IGSF11: variants seen among roughly 807,000 people sequenced by gnomAD.
The protein encoded by IGSF11 is immunoglobulin superfamily member 11, also known as CXADR like 1.
A neutral mutation model predicts 41.0 loss-of-function variants in IGSF11; 22 were observed. The ratio of observed to expected loss-of-function variants is 0.54; its 90% CI spans 0.38 to 0.77. IGSF11 has a LOEUF of 0.77. IGSF11 is among the 30% of genes least tolerant of loss of function. The pLI, the probability that IGSF11 is intolerant of heterozygous loss-of-function variation, is 0.00. For missense variants in IGSF11, 444 were observed against 530.8 expected (o/e 0.84, Z 1.61); for synonymous variants, 219 against 201.3 (o/e 1.09, Z -0.74).
chr3:118,967,340 C>T (rs1945753023), intron 1 of IGSF11, among the ~76,000 whole-genome samples: 1 of 152,128 alleles, frequency 6.6e-6, no homozygotes, highest in Non-Finnish European at 1.5e-5. Context: ...AATCTCTAAT[C>T]TTTCTTTACA....
intron 1 of IGSF11, among the ~76,000 whole-genome samples, chr3:119,045,238 T>G (rs969324913): frequency 1.3e-5 from 2 of 152,208 alleles, no homozygotes; most frequent in African/African-American, 4.8e-5. Flanking sequence ...GGTACCGGGT[T>G]CACTTCACTA....
chr3:118,957,520 T>A (rs770926704), intron 1 of IGSF11, among the ~76,000 whole-genome samples: 1 of 152,110 alleles, frequency 6.6e-6, no homozygotes, highest in African/African-American at 2.4e-5. Flanking sequence ...CGACATAGAG[T>A]TGTTAATAGT....
intron 1 of IGSF11, among the ~76,000 whole-genome samples, chr3:119,104,786 T>G (rs1191990817): frequency 2.6e-5 from 4 of 152,294 alleles, no homozygotes; most frequent in Middle Eastern, 3.4e-3. Flanking sequence ...GTTATGTGCT[T>G]CTTCTACAGG....
intron 1 of IGSF11, among the ~76,000 whole-genome samples, chr3:118,983,061 A>G (rs182662933): frequency 1.3e-5 from 2 of 152,318 alleles, no homozygotes; most frequent in East Asian, 1.9e-4. Flanking sequence ...CATAGCCCCA[A>G]CATAATTGCA....
intron 1 of IGSF11, among the ~76,000 whole-genome samples, chr3:119,066,917 C>T (rs1942250333): frequency 6.6e-6 from 1 of 152,118 alleles, no homozygotes; most frequent in South Asian, 2.1e-4. Context: ...AATTCTCTGG[C>T]AACATTTTCC....
intron 1 of IGSF11, among the ~76,000 whole-genome samples, chr3:118,951,585 C>T (rs978867909): frequency 2.6e-5 from 4 of 151,722 alleles, no homozygotes; most frequent in Non-Finnish European, 5.9e-5. Context: ...AATATCTATC[C>T]CTTTATTGGT....
intron 5 of IGSF11, among the ~76,000 whole-genome samples, chr3:118,905,142 C>G (rs146269540): frequency 3.3e-5 from 5 of 152,262 alleles, no homozygotes; most frequent in South Asian, 2.1e-4. Context: ...TATCCTTCTA[C>G]CTCAACCCAG....
At chr3:118,906,514 T>C (rs1452044318) in intron 4 of IGSF11, among the ~76,000 whole-genome samples, 2 of 152,166 alleles carry the variant, frequency 1.3e-5, no homozygotes, top group African/African-American at 4.8e-5. Flanking sequence ...TAATTCCTCA[T>C]CACTGGCTGG....
intron 6 of IGSF11, among the ~76,000 whole-genome samples, chr3:118,903,583 T>A (rs1463761580): frequency 6.6e-6 from 1 of 152,136 alleles, no homozygotes; most frequent in Non-Finnish European, 1.5e-5. Flanking sequence ...TCCTCAGTAA[T>A]CTTATCCTGG....
intron 1 of IGSF11, among the ~76,000 whole-genome samples, chr3:119,050,762 A>T (rs1941588013): frequency 6.6e-6 from 1 of 151,812 alleles, no homozygotes; most frequent in Non-Finnish European, 1.5e-5. Flanking sequence ...TCCAACAATG[A>T]TAGACTGGAT....
At chr3:119,136,109 T>C (rs1477133004) in intron 1 of IGSF11, among the ~76,000 whole-genome samples, 1 of 152,122 alleles carries the variant, frequency 6.6e-6, no homozygotes, top group African/African-American at 2.4e-5. Context: ...AAATATCTAA[T>C]GTAAATGACG....
chr3:119,066,220 T>C (rs1942229656), intron 1 of IGSF11, among the ~76,000 whole-genome samples: 1 of 152,206 alleles, frequency 6.6e-6, no homozygotes, highest in Non-Finnish European at 1.5e-5. Context: ...AATTCTTAAT[T>C]AAATCTGTAA....
intron 1 of IGSF11, among the ~76,000 whole-genome samples, chr3:118,936,020 AT>A (rs1943247395): frequency 6.6e-6 from 1 of 152,056 alleles, no homozygotes; most frequent in Non-Finnish European, 1.5e-5. Flanking sequence ...ACTATGTGTA[AT>A]AAAAAGTTTC....
intron 1 of IGSF11, among the ~76,000 whole-genome samples, chr3:118,935,968 C>A (rs1205075069): frequency 6.6e-6 from 1 of 152,082 alleles, no homozygotes; most frequent in Non-Finnish European, 1.5e-5. Context: ...TTAAGTTACT[C>A]TGTGAATGTG....
At chr3:119,076,544 A>C (rs1343706822) in intron 1 of IGSF11, among the ~76,000 whole-genome samples, 1 of 152,196 alleles carries the variant, frequency 6.6e-6, no homozygotes, top group South Asian at 2.1e-4. Flanking sequence ...GAATCTACAA[A>C]GAACTCAAAC....
chr3:119,011,945 CTG>C lies in IGSF11; in HGVS notation c.52+22584_52+22585del, dbSNP rs1553711932. On this transcript the variant is annotated intron_variant, in intron 1 of 6. Coordinates refer to ENST00000393775, the MANE Select transcript of IGSF11 (RefSeq NM_001015887.3). Reference sequence around the variant, plus strand: ...CAATCAACAGATGCTATATAGTGTTCTGTGTGTGTGTGTGTGTGTGTGTGTAT... The same window carrying C: ...CAATCAACAGATGCTATATAGTGTTCTGTGTGTGTGTGTGTGTGTGTGTAT... 3.6e-3 allele frequency among the ~76,000 whole-genome samples: 540 copies of C among 148,126 alleles called. 3 individuals are homozygous for C. Among genetic ancestry groups the C allele is most frequent in the East Asian group, 0.025 (126 of 5,068 alleles).
intron 1 of IGSF11, among the ~76,000 whole-genome samples, chr3:119,077,698 G>T (rs573118281): frequency 6.6e-6 from 1 of 152,068 alleles, no homozygotes; most frequent in Non-Finnish European, 1.5e-5. Flanking sequence ...GCAAGAAAAA[G>T]AAATAAAAGG....
At position 118,904,633 on chromosome 3, in the gene IGSF11, A is replaced by G. The variant is rs1293049477; in HGVS notation, c.854+15T>C. 5 of 1,591,366 alleles carry G rather than the reference A, an allele frequency of 3.1e-6. No individual in the cohort carries two copies. The East Asian group carries it at 8.9e-5, about 28-fold the overall frequency. On this transcript the variant is annotated intron_variant, in intron 6 of 6. Coordinates refer to ENST00000393775, the MANE Select transcript of IGSF11 (RefSeq NM_001015887.3). ...TGGCTATGCAGGACAAATTTTAAAAATCTGACATACAAACCTTATTTCATT... is the reference window on the plus strand; with the variant it reads ...TGGCTATGCAGGACAAATTTTAAAAGTCTGACATACAAACCTTATTTCATT...
At chr3:118,998,579 CAAAAAA>C (rs1256652624) in intron 1 of IGSF11, among the ~76,000 whole-genome samples, 1 of 129,770 alleles carries the variant, frequency 7.7e-6, no homozygotes, top group Non-Finnish European at 1.7e-5. Flanking sequence ...GTATTATTTG[CAAAAAA>C]AAAAAAAGTT....
Sources: gnomAD v4.1 joint callset for allele counts (sites outside exome capture counted in the v4.1 genomes callset) on GRCh38, gnomAD v4.1.1 for gene constraint, MANE v1.5 for transcripts, NCBI Gene and HGNC (gene_info 2026-07-23, HGNC 2026-07-21) for gene names.